BEST1: variants seen among roughly 807,000 people sequenced by gnomAD.
BEST1 encodes the protein bestrophin-1.
BEST1 carries 58 observed loss-of-function variants against 63.3 expected under a neutral mutation model. That is an observed-to-expected ratio of 0.92 (90% CI 0.74 to 1.14). The LOEUF (loss-of-function observed/expected upper bound fraction) is 1.14, where lower values mean the gene tolerates loss of function less well. Ranked by LOEUF, BEST1 falls within the 50% of genes most tolerant of loss-of-function variation. BEST1 has a pLI of 0.00. For missense variants in BEST1, 671 were observed against 740.1 expected (o/e 0.91, Z 1.08); for synonymous variants, 283 against 291.6 (o/e 0.97, Z 0.30).
intron 9 of BEST1, chr11:61,961,768 G>A: frequency 5.4e-6 from 1 of 184,984 alleles, no homozygotes; most frequent in South Asian, 1.0e-4. Flanking sequence ...TGGTAGATAA[G>A]CTTTCCCTTG....
intron 8 of BEST1, 127 bp downstream of exon 8, chr11:61,959,705 C>T: frequency 7.7e-7 from 1 of 1,298,854 alleles, no homozygotes; most frequent in South Asian, 1.2e-5. Flanking sequence ...CCTCCTGCAG[C>T]CAGTCATTCA....
Position 61,962,597 on chromosome 11 carries a change from AG to A in BEST1, c.1444del (p.Glu482AsnfsTer14), listed in dbSNP as rs759410076. The A allele has an allele frequency of 1.1e-5, 18 of 1,614,192 alleles. No homozygotes were observed. The highest frequency in any genetic ancestry group is 1.7e-5 in the Admixed American group (1 of 60,018). ...LSPTPMFFPL[E>X]PSAPSKLHSV... ...GCCCCACTCCCATGTTCTTCCCCCTAGAACCATCAGCGCCGTCAAAGCTTCA... is the reference window on the plus strand; with the variant it reads ...GCCCCACTCCCATGTTCTTCCCCCTAAACCATCAGCGCCGTCAAAGCTTCA... On this transcript the variant is annotated frameshift_variant, in exon 10 of 11. Coordinates refer to ENST00000378043, the MANE Select transcript of BEST1 (RefSeq NM_004183.4). LOFTEE classifies it high-confidence loss of function.
At position 61,958,219 on chromosome 11, in the gene BEST1, C is replaced by A; in HGVS notation, c.788C>A (p.Ala263Asp). The A allele has an allele frequency of 1.2e-6, 2 of 1,614,226 alleles. No individual in the cohort carries two copies. Among genetic ancestry groups the A allele is most frequent in the Non-Finnish European group, 1.7e-6 (2 of 1,180,032 alleles). Residue 263 changes from alanine (A) to aspartate (D), a missense_variant, in exon 7 of 11, where the codon GCC (alanine) becomes GAC (aspartate). Ala to Asp is a moderately radical substitution (Grantham distance 126). Coordinates refer to ENST00000378043, the MANE Select transcript of BEST1 (RefSeq NM_004183.4). ...CGGCAGTTTCTGAACCCAGCCAAGG[C>A]CTACCCTGGCCATGAGCTGGACCTC... ...VGRQFLNPAK[A>D]YPGHELDLVV...
At chr11:61,963,480 A>G in intron 10 of BEST1, 1 of 1,088,632 alleles carries the variant, frequency 9.2e-7, no homozygotes. Context: ...GTCAGCCCAA[A>G]GCTGTCACAA....
At chr11:61,961,454 A>T (rs908484391) in intron 9 of BEST1, 1 of 152,424 alleles carries the variant, frequency 6.6e-6, no homozygotes, top group Non-Finnish European at 1.5e-5. Flanking sequence ...TTTCTGGAGG[A>T]TGACTTTGAG....
chr11:61,952,071 T>A, intron 2 of BEST1, 113 bp downstream of exon 2: 1 of 1,306,376 alleles, frequency 7.7e-7, no homozygotes, highest in Non-Finnish European at 1.1e-6. Flanking sequence ...ACTACAAGAC[T>A]AAGCTGAGCT....
intron 3 of BEST1, chr11:61,955,403 G>T (rs540594734): frequency 1.4e-6 from 2 of 1,442,476 alleles, no homozygotes; most frequent in Admixed American, 2.7e-5. Flanking sequence ...ACGTCCTGCC[G>T]TTAGCAATGA....
At position 61,956,905 on chromosome 11, in the gene BEST1, C is replaced by T; in HGVS notation, c.543C>T (p.Phe181=). ...LEKLSLPHNM[F]WVPWVWFANL... is the part of the protein sequence containing the mutation. ...AACTGAGCCTACCACACAACATGTT[C>T]TGGGTGCCCTGGGTGTGGTTTGCCA... The change falls in exon 5 of 11, where the codon TTC becomes TTT. Residue 181 remains phenylalanine, a synonymous_variant. Coordinates refer to ENST00000378043, the MANE Select transcript of BEST1 (RefSeq NM_004183.4). 6.2e-7 allele frequency: 1 copy of T among 1,614,188 alleles called. No individual in the cohort carries two copies. Among genetic ancestry groups the T allele is most frequent in the Non-Finnish European group, 8.5e-7 (1 of 1,180,042 alleles).
At position 61,951,752 on chromosome 11, in the gene BEST1, C is replaced by A; in HGVS notation, c.-36-19C>A. Reference sequence around the variant, plus strand: ...CCTCTGATCCCTACAAACCCCCAATCGGTGTCCCTCTCTACCAGGACCCAA... The same window carrying A: ...CCTCTGATCCCTACAAACCCCCAATAGGTGTCCCTCTCTACCAGGACCCAA... On this transcript the variant is annotated intron_variant, in intron 1 of 10. Coordinates refer to ENST00000378043, the MANE Select transcript of BEST1 (RefSeq NM_004183.4). 1 of 1,604,364 alleles carries A rather than the reference C, an allele frequency of 6.2e-7. No individual in the cohort carries two copies. The highest frequency in any genetic ancestry group is 8.5e-7 in the Non-Finnish European group (1 of 1,178,148).
intron 10 of BEST1, chr11:61,963,696 GA>G: frequency 9.2e-7 from 1 of 1,086,418 alleles, no homozygotes. Flanking sequence ...GGCTAGACAG[GA>G]ACTTGGCAAA....
chr11:61,961,952 G>A, intron 9 of BEST1: 1 of 434,176 alleles, frequency 2.3e-6, no homozygotes, highest in South Asian at 2.4e-5. Flanking sequence ...CTGGAGTGAG[G>A]GGTTTTACAG....
chr11:61,955,237 G>A, intron 3 of BEST1, 36 bp downstream of exon 3: 1 of 1,614,112 alleles, frequency 6.2e-7, no homozygotes, highest in Non-Finnish European at 8.5e-7. Context: ...GGGTCCCTGT[G>A]GCCGCCCAGG....
At position 61,955,179 on chromosome 11, in the gene BEST1, C is replaced by T. The variant is rs1941153193; in HGVS notation, c.225C>T (p.Leu75=). ...LTLYCDSYIQ[L]IPISFVLGFY... ...TGTATTGCGACAGCTACATCCAGCT[C>T]ATCCCCATTTCCTTCGTGCTGGGTG... The change falls in exon 3 of 11, where the codon CTC becomes CTT. Residue 75 remains leucine, a synonymous_variant. Transcript: ENST00000378043. 1.2e-6 allele frequency: 2 copies of T among 1,614,206 alleles called. No homozygotes were observed. Among genetic ancestry groups the T allele is most frequent in the African/African-American group, 1.3e-5 (1 of 75,058 alleles).
At chr11:61,960,327 T>C in intron 9 of BEST1, 1 of 533,080 alleles carries the variant, frequency 1.9e-6, no homozygotes, top group Non-Finnish European at 3.4e-6. Context: ...CTGTGATCAG[T>C]GATGCAGTGG....
intron 6 of BEST1, 117 bp downstream of exon 6, chr11:61,957,581 T>A: frequency 1.0e-6 from 1 of 976,818 alleles, no homozygotes. Flanking sequence ...GGGAGTTGGG[T>A]CCACACTTTG....
intron 10 of BEST1, chr11:61,963,390 G>A: frequency 1.6e-6 from 2 of 1,236,292 alleles, no homozygotes; most frequent in Non-Finnish European, 2.0e-6. Flanking sequence ...GGTAGATGGT[G>A]AGGTTGAGGG....
intron 5 of BEST1, 84 bp from the exon 6 acceptor site, chr11:61,957,303 C>A: frequency 3.9e-6 from 5 of 1,298,660 alleles, no homozygotes; most frequent in Non-Finnish European, 5.6e-6. Flanking sequence ...GTACCAGGCC[C>A]TGGTACCTGG....
rs1225575331 is a variant in BEST1 at position 61,959,771 on chromosome 11, T to C, written c.949-121T>C. The C allele has an allele frequency of 5.5e-6, 8 of 1,463,180 alleles. No individual in the cohort carries two copies. In the Admixed American group the frequency reaches 1.2e-4, roughly 21 times the overall value. 90.6% of individuals were successfully genotyped at this position (1,463,180 alleles called of 1,614,324 possible). ...CTGCAGGCAGGCACCCATCTCCCCA[T>C]TTCACAGGCAGGGAAACTGAGGTCC... On this transcript the variant is annotated intron_variant, in intron 8 of 10. Transcript: ENST00000378043.
intron 10 of BEST1, 171 bp downstream of exon 10, chr11:61,963,064 G>A (rs1438805183): frequency 1.3e-6 from 2 of 1,495,250 alleles, no homozygotes; most frequent in Non-Finnish European, 1.8e-6. Flanking sequence ...ACCTTCACAG[G>A]GATCCTAGGG....
Sources: gnomAD v4.1 joint callset for allele counts on GRCh38, gnomAD v4.1.1 for gene constraint, MANE v1.5 for transcripts, NCBI Gene and HGNC (gene_info 2026-07-23, HGNC 2026-07-21) for gene names.